The following C10orf90 variants were observed in gnomAD, a reference collection of about 807,000 sequenced individuals.
C10orf90 encodes chromosome 10 open reading frame 90, also known as (E2-independent) E3 ubiquitin-conjugating enzyme FATS.
A neutral mutation model predicts 62.5 loss-of-function variants in C10orf90; 56 were observed. The observed-to-expected ratio is 0.90, with a 90% CI of 0.72 to 1.12. The LOEUF is 1.12. C10orf90 is among the 50% of genes most tolerant of loss of function. The probability of loss-of-function intolerance (pLI) is 0.00; values close to 1 mark genes in which losing one functional copy is unlikely to be tolerated. For synonymous variants in C10orf90, 386 were observed against 340.4 expected (o/e 1.13, Z -1.47); for missense variants, 970 against 880.4 (o/e 1.10, Z -1.29).
intron 1 of C10orf90, among the ~76,000 whole-genome samples, chr10:126,659,745 A>C (rs1846470414): frequency 6.6e-6 from 1 of 152,246 alleles, no homozygotes; most frequent in Non-Finnish European, 1.5e-5. Flanking sequence ...CTGTTTGTCC[A>C]TCTGTCTGTC....
chr10:126,589,131 A>G (rs961531222), intron 2 of C10orf90, among the ~76,000 whole-genome samples: 4 of 152,244 alleles, frequency 2.6e-5, no homozygotes, highest in African/African-American at 9.6e-5. Context: ...GTCTTTGGGA[A>G]ATAAGACAGG....
chr10:126,429,158 A>G (rs995731633), intron 8 of C10orf90, among the ~76,000 whole-genome samples: 4 of 152,148 alleles, frequency 2.6e-5, no homozygotes, highest in Admixed American at 1.3e-4. Context: ...TATTTTGGTT[A>G]AGAGGCCAGA....
At chr10:126,615,553 T>C (rs2133808204) in intron 2 of C10orf90, among the ~76,000 whole-genome samples, 1 of 152,358 alleles carries the variant, frequency 6.6e-6, no homozygotes. Context: ...CACATTCAAC[T>C]CATACTTTTA....
chr10:126,509,855 A>T (rs1001352429), intron 3 of C10orf90, among the ~76,000 whole-genome samples: 11 of 152,194 alleles, frequency 7.2e-5, no homozygotes, highest in Middle Eastern at 3.2e-3. Flanking sequence ...AAAAATCTAT[A>T]TGAGTTTGCC....
chr10:126,506,371 C>G (rs781164226), intron 3 of C10orf90, among the ~76,000 whole-genome samples: 1 of 152,242 alleles, frequency 6.6e-6, no homozygotes, highest in Non-Finnish European at 1.5e-5. Context: ...CCCGTTTAGA[C>G]GTTCATTATG....
chr10:126,530,323 C>T (rs1440176791), intron 2 of C10orf90, among the ~76,000 whole-genome samples: 2 of 150,800 alleles, frequency 1.3e-5, no homozygotes, highest in Non-Finnish European at 3.0e-5. Context: ...AAAGGCAGTT[C>T]TTAAAAAAAA....
chr10:126,621,475 G>A (rs965528303), intron 2 of C10orf90, among the ~76,000 whole-genome samples: 1 of 152,184 alleles, frequency 6.6e-6, no homozygotes, highest in African/African-American at 2.4e-5. Flanking sequence ...GTTGGTGGCT[G>A]GTAAGTGATT....
intron 4 of C10orf90, among the ~76,000 whole-genome samples, chr10:126,490,958 G>A (rs1471039506): frequency 2.6e-5 from 4 of 152,080 alleles, no homozygotes; most frequent in African/African-American, 9.7e-5. Context: ...ACACTACTAA[G>A]TGCATGTAGC....
intron 7 of C10orf90, among the ~76,000 whole-genome samples, chr10:126,436,244 A>G (rs954139028): frequency 2.6e-5 from 4 of 152,146 alleles, no homozygotes; most frequent in Non-Finnish European, 4.4e-5. Flanking sequence ...CAAAACATGC[A>G]TTTCCTCCTA....
intron 4 of C10orf90, chr10:126,496,671 G>A (rs1862073504): frequency 2.0e-6 from 2 of 985,282 alleles, no homozygotes; most frequent in African/African-American, 1.7e-5. Flanking sequence ...TTGGCGGTGA[G>A]TCTTTCATCG....
At chr10:126,574,371 GA>G (rs1204646843) in intron 2 of C10orf90, among the ~76,000 whole-genome samples, 49 of 151,728 alleles carry the variant, frequency 3.2e-4, no homozygotes, top group African/African-American at 1.1e-3. Context: ...GTTCACAGAA[GA>G]AAAAAATTTA....
intron 2 of C10orf90, among the ~76,000 whole-genome samples, chr10:126,565,050 A>AATATATAAAATATATATT (rs1844307543): frequency 1.6e-4 from 4 of 24,584 alleles, no homozygotes; most frequent in Non-Finnish European, 3.0e-4. Context: ...TATAATATAT[A>AATATATAAAATATATATT]ATATATAAAA....
At chr10:126,578,966 C>G (rs1320801991) in intron 2 of C10orf90, among the ~76,000 whole-genome samples, 2 of 152,062 alleles carry the variant, frequency 1.3e-5, no homozygotes, top group Non-Finnish European at 2.9e-5. Context: ...TGGTCTGGCT[C>G]CCAATTACAT....
At chr10:126,505,687 G>A (rs1028044243) in intron 3 of C10orf90, among the ~76,000 whole-genome samples, 1 of 152,192 alleles carries the variant, frequency 6.6e-6, no homozygotes, top group African/African-American at 2.4e-5. Context: ...GGGCATGGTG[G>A]CTCACACTTG....
intron 8 of C10orf90, 27 bp from the exon 9 acceptor site, chr10:126,426,117 A>T (rs754532253): frequency 6.3e-7 from 1 of 1,585,418 alleles, no homozygotes. Flanking sequence ...AAACATTTGG[A>T]ATGGTAGCTT....
chr10:126,559,574 C>T (rs753729658), intron 2 of C10orf90, among the ~76,000 whole-genome samples: 8 of 152,210 alleles, frequency 5.3e-5, no homozygotes, highest in Non-Finnish European at 1.0e-4. Context: ...CCCCACCAAC[C>T]CCTGACCCTC....
rs1861412241 is a variant in C10orf90 at position 126,485,922 on chromosome 10, G to A, written c.1534+18035C>T. On this transcript the variant is annotated intron_variant, in intron 4 of 9. Transcript: ENST00000488181. ...AGTTCGCGCCACTGCACTCCAGCCT[G>A]GGGGACAGAGCAAGACTCCATCTCA... Among the ~76,000 whole-genome samples the A allele has an allele frequency of 2.0e-5, 3 of 151,870 alleles. No individual in the cohort carries two copies. The South Asian group carries it at 6.2e-4, about 32-fold the overall frequency.
intron 2 of C10orf90, among the ~76,000 whole-genome samples, chr10:126,540,262 A>G (rs916985060): frequency 3.3e-5 from 5 of 152,262 alleles, no homozygotes; most frequent in African/African-American, 1.2e-4. Context: ...GAAAAAGTAA[A>G]AACTGTAAAG....
chr10:126,476,996 G>A (rs1456332292), intron 4 of C10orf90, among the ~76,000 whole-genome samples: 1 of 137,282 alleles, frequency 7.3e-6, no homozygotes, highest in Admixed American at 7.9e-5. Context: ...TGCAAGCTCC[G>A]CCTACCGGGT....
Sources: allele counts gnomAD v4.1 joint callset (sites outside exome capture counted in the v4.1 genomes callset), GRCh38; gene constraint gnomAD v4.1.1; transcripts MANE v1.5; gene names NCBI Gene and HGNC (gene_info 2026-07-23, HGNC 2026-07-21).